SNURF: variants seen among roughly 807,000 people sequenced by gnomAD.
SNURF encodes the protein SNRPN upstream open reading frame.
SNURF carries 6 observed loss-of-function variants against 11.6 expected under a neutral mutation model. That is an observed-to-expected ratio of 0.52 (90% CI 0.28 to 1.02). The LOEUF is 1.02. Ranked by LOEUF, SNURF falls within the 50% of genes least tolerant of loss-of-function variation. The pLI is 0.09. For missense variants in SNURF, 84 were observed against 88.4 expected (o/e 0.95, Z 0.20); for synonymous variants, 29 against 31.6 (o/e 0.92, Z 0.27).
chr15:24,961,381 T>G (rs1449475209), intron 1 of SNURF, among the ~76,000 whole-genome samples: 2 of 152,202 alleles, frequency 1.3e-5, no homozygotes, highest in Non-Finnish European at 2.9e-5. Flanking sequence ...AGATATTACT[T>G]GTGTTACTTT....
chr15:24,955,192 T>C, intron 1 of SNURF, 130 bp downstream of exon 1: 2 of 1,252,078 alleles, frequency 1.6e-6, no homozygotes, highest in East Asian at 4.9e-5. Flanking sequence ...TCCTTTGTTC[T>C]GGAGAACCAG....
intron 1 of SNURF, among the ~76,000 whole-genome samples, chr15:24,956,702 G>C (rs74624359): frequency 0.018 from 2,731 of 152,308 alleles, 75 homozygotes; most frequent in African/African-American, 0.062. Flanking sequence ...CGCAGTAGAG[G>C]GGGGAGGAGG....
At chr15:24,969,239 C>T (rs151136833), downstream of SNURF, among the ~76,000 whole-genome samples, 651 of 152,252 alleles carry the variant, frequency 4.3e-3, 2 homozygotes, top group African/African-American at 0.015. Flanking sequence ...ACTGATTTTC[C>T]TGCCTCAGCC....
intron 1 of SNURF, among the ~76,000 whole-genome samples, chr15:24,957,189 G>C (rs2063075878): frequency 6.6e-6 from 1 of 152,036 alleles, no homozygotes; most frequent in Non-Finnish European, 1.5e-5. Flanking sequence ...AGTCCATTCT[G>C]ATGCACTGCA....
intron 3 of SNURF, chr15:24,974,585 C>G (rs529298857): frequency 3.6e-5 from 32 of 881,526 alleles, no homozygotes; most frequent in Admixed American, 3.0e-4. Context: ...TATGGATTCT[C>G]ATTGCATTGA....
At chr15:24,969,381 G>A (rs61999156), downstream of SNURF, among the ~76,000 whole-genome samples, 7,702 of 134,286 alleles carry the variant, frequency 0.057, 214 homozygotes, top group Non-Finnish European at 0.069. Flanking sequence ...CACCTGCCTT[G>A]GCCTCTCAAA....
intron 1 of SNURF, among the ~76,000 whole-genome samples, chr15:24,958,323 C>T (rs2063248890): frequency 2.6e-5 from 4 of 151,298 alleles, no homozygotes; most frequent in Admixed American, 2.0e-4. Context: ...TGAGTACTGC[C>T]CTCAATTACT....
chr15:24,969,913 G>C (rs1225050481), downstream of SNURF, among the ~76,000 whole-genome samples: 3 of 152,148 alleles, frequency 2.0e-5, no homozygotes, highest in African/African-American at 7.2e-5. Flanking sequence ...CGGTGGTGCA[G>C]CTTTGAGTAG....
intron 2 of SNURF, chr15:24,967,291 T>G (rs2153570008): frequency 6.5e-6 from 1 of 153,408 alleles, no homozygotes; most frequent in East Asian, 1.9e-4. Flanking sequence ...TGTGTAGAGA[T>G]TCCTGTTTTG....
At chr15:24,955,791 G>A (rs1380016176) in intron 1 of SNURF, among the ~76,000 whole-genome samples, 4 of 151,644 alleles carry the variant, frequency 2.6e-5, no homozygotes, top group Admixed American at 6.6e-5. Context: ...TTGGCAGCGG[G>A]TAGGCATGGC....
downstream of SNURF, among the ~76,000 whole-genome samples, chr15:24,969,280 C>G (rs1294540036): frequency 1.3e-5 from 2 of 152,202 alleles, no homozygotes; most frequent in East Asian, 1.9e-4. Context: ...AGGCACCCAC[C>G]ACCACACCTG....
intron 1 of SNURF, among the ~76,000 whole-genome samples, chr15:24,959,092 C>T (rs1354875816): frequency 6.6e-6 from 1 of 152,060 alleles, no homozygotes; most frequent in Admixed American, 6.6e-5. Flanking sequence ...AATTGGGATT[C>T]CATTGCTTTT....
chr15:24,973,564 A>AT (rs1052084981), downstream of SNURF, among the ~76,000 whole-genome samples: 1 of 151,646 alleles, frequency 6.6e-6, no homozygotes, highest in African/African-American at 2.4e-5. Context: ...TGCCTGGCTA[A>AT]TTTTTTTGTA....
intron 3 of SNURF, chr15:24,974,323 C>G: frequency 1.2e-6 from 1 of 822,138 alleles, no homozygotes; most frequent in East Asian, 2.5e-5. Flanking sequence ...TCCATCTACT[C>G]TTTGAAGCTT....
At chr15:24,967,553 A>C (rs2075819624) in intron 2 of SNURF, among the ~76,000 whole-genome samples, 1 of 151,950 alleles carries the variant, frequency 6.6e-6, no homozygotes, top group Non-Finnish European at 1.5e-5. Flanking sequence ...GACACTGGAG[A>C]ATGGCGTGAA....
intron 6 of SNURF, chr15:24,977,058 A>G: frequency 6.6e-7 from 1 of 1,521,082 alleles, no homozygotes; most frequent in Non-Finnish European, 8.8e-7. Context: ...GTTTTATATT[A>G]TTGGGAGAAT....
At chr15:24,967,858 A>T in intron 2 of SNURF, 74 bp from the exon 3 acceptor site, 1 of 1,068,290 alleles carries the variant, frequency 9.4e-7, no homozygotes, top group Non-Finnish European at 1.4e-6. Context: ...AAGGGTACCT[A>T]GTTTTCTTTC....
At position 24,962,874 on chromosome 15, in the gene SNURF, AGTAG is replaced by A. The variant is rs371400388; in HGVS notation, c.110+670_110+673del. On this transcript the variant is annotated intron_variant, in intron 2 of 2. Transcript: ENST00000577949. ...ATTTGATGCCATTAAAATTTTGATC[AGTAG>A]GTAGCATTTTTTTCTTAGCTACAAT... Among the ~76,000 whole-genome samples the A allele has an allele frequency of 8.9e-4, 136 of 152,334 alleles. 3 individuals are homozygous for A. In the East Asian group the frequency reaches 0.02, roughly 23 times the overall value.
At chr15:24,955,044 A>G (rs1453722928) in exon 1 of SNURF, 1 of 1,613,276 alleles carries the variant, frequency 6.2e-7, no homozygotes, top group Non-Finnish European at 8.5e-7. Context: ...GCGGTCAGTG[A>G]CGCGATGGAG....
Sources: allele counts gnomAD v4.1 joint callset (sites outside exome capture counted in the v4.1 genomes callset), GRCh38; gene constraint gnomAD v4.1.1; transcripts MANE v1.5; gene names NCBI Gene and HGNC (gene_info 2026-07-23, HGNC 2026-07-21).